Variants in SLC2A14 observed in about 807,000 individuals in gnomAD.
SLC2A14 encodes the protein solute carrier family 2 member 14, also known as solute carrier family 2, facilitated glucose transporter member 14.
Under a neutral mutation model 43.0 loss-of-function variants are expected in SLC2A14, and 13 were observed. The observed-to-expected ratio is 0.30, with a 90% confidence interval of 0.20 to 0.48. SLC2A14 has a LOEUF of 0.48. Among genes scored for constraint, SLC2A14 ranks in the 20% least tolerant of loss-of-function variants. The pLI is 0.99. For missense variants in SLC2A14, 428 were observed against 620.4 expected (o/e 0.69, Z 3.29); for synonymous variants, 190 against 233.8 (o/e 0.81, Z 1.71).
intron 1 of SLC2A14, among the ~76,000 whole-genome samples, chr12:7,879,040 C>G (rs34201463): frequency 6.9e-6 from 1 of 144,176 alleles, no homozygotes; most frequent in African/African-American, 2.5e-5. Flanking sequence ...CAACCTTACT[C>G]TAGAAAGTAG....
chr12:7,829,282 C>T (rs10846007), intron 5 of SLC2A14, among the ~76,000 whole-genome samples: 39,809 of 151,722 alleles, frequency 0.26, 5,509 homozygotes, highest in East Asian at 0.47. Context: ...TAAAAATTGC[C>T]GGGCACAGTG....
chr12:7,848,517 C>T (rs972454817), intron 2 of SLC2A14, among the ~76,000 whole-genome samples: 1 of 151,786 alleles, frequency 6.6e-6, no homozygotes, highest in Non-Finnish European at 1.5e-5. Flanking sequence ...ATCCTTGTCC[C>T]CGCCCATCCT....
intron 2 of SLC2A14, among the ~76,000 whole-genome samples, chr12:7,840,160 C>CTTTTT (rs58740298): frequency 1.5e-5 from 1 of 68,800 alleles, no homozygotes; most frequent in Non-Finnish European, 2.3e-5. Context: ...GAGTTTGCTC[C>CTTTTT]TTTTTTTTTT....
chr12:7,890,863 G>A, intron 1 of SLC2A14: 3 of 966,882 alleles, frequency 3.1e-6, no homozygotes, highest in Non-Finnish European at 4.3e-6. Context: ...GAGTCTTGGT[G>A]GCCTTGACAG....
At chr12:7,874,367 A>G (rs1317594487), upstream of SLC2A14, among the ~76,000 whole-genome samples, 3 of 152,146 alleles carry the variant, frequency 2.0e-5, no homozygotes, top group East Asian at 1.9e-4. Context: ...TGGCCTTTGC[A>G]ATCAGTATTT....
chr12:7,832,054 G>A (rs1865086335), intron 3 of SLC2A14, among the ~76,000 whole-genome samples: 1 of 152,250 alleles, frequency 6.6e-6, no homozygotes, highest in Non-Finnish European at 1.5e-5. Context: ...TTTGCGATGA[G>A]CCGAGATAGC....
chr12:7,851,254 C>G (rs1866918982), intron 2 of SLC2A14, among the ~76,000 whole-genome samples: 1 of 152,152 alleles, frequency 6.6e-6, no homozygotes, highest in African/African-American at 2.4e-5. Flanking sequence ...AGGATACTAG[C>G]TATTTTATTC....
chr12:7,853,189 C>T (rs1867075171), intron 2 of SLC2A14, among the ~76,000 whole-genome samples: 3 of 151,932 alleles, frequency 2.0e-5, no homozygotes, highest in African/African-American at 7.2e-5. Context: ...GCCTGTAATC[C>T]CAGAACTTTG....
chr12:7,827,057 CTT>C (rs1491514660), intron 7 of SLC2A14, among the ~76,000 whole-genome samples: 2 of 99,006 alleles, frequency 2.0e-5, no homozygotes, highest in African/African-American at 7.0e-5. Context: ...CTCTCTCTCT[CTT>C]TCTTTCTCTC....
chr12:7,862,710 C>T (rs1373790899), intron 2 of SLC2A14, among the ~76,000 whole-genome samples: 2 of 152,080 alleles, frequency 1.3e-5, no homozygotes, highest in Admixed American at 6.6e-5. Flanking sequence ...ATACACCAAT[C>T]GGCACTCTGT....
chr12:7,887,578 T>C (rs932608101), intron 1 of SLC2A14, among the ~76,000 whole-genome samples: 6 of 138,640 alleles, frequency 4.3e-5, no homozygotes, highest in Non-Finnish European at 9.3e-5. Context: ...GATAGATAGA[T>C]AGATAGATAG....
At chr12:7,824,952 C>T (rs1267807671) in intron 7 of SLC2A14, among the ~76,000 whole-genome samples, 2 of 151,802 alleles carry the variant, frequency 1.3e-5, no homozygotes, top group Non-Finnish European at 2.9e-5. Context: ...GCCTCAGCCT[C>T]CCACAGTGCT....
At chr12:7,844,258 T>A (rs186358428) in intron 2 of SLC2A14, among the ~76,000 whole-genome samples, 1 of 152,300 alleles carries the variant, frequency 6.6e-6, no homozygotes, top group East Asian at 1.9e-4. Flanking sequence ...TGTACTCTTT[T>A]GTGCTCAGAT....
At chr12:7,860,046 C>T (rs889907464) in intron 2 of SLC2A14, among the ~76,000 whole-genome samples, 2 of 152,168 alleles carry the variant, frequency 1.3e-5, no homozygotes, top group Admixed American at 1.3e-4. Flanking sequence ...GCCTCCAGAG[C>T]CCGTTGCTGT....
chr12:7,820,970 G>A (rs1013684954), intron 8 of SLC2A14, among the ~76,000 whole-genome samples: 3 of 151,812 alleles, frequency 2.0e-5, no homozygotes, highest in Non-Finnish European at 4.4e-5. Context: ...ACCTGTATCC[G>A]AGCTACTTCG....
intron 1 of SLC2A14, among the ~76,000 whole-genome samples, chr12:7,882,467 C>A (rs1241323040): frequency 6.6e-6 from 1 of 152,104 alleles, no homozygotes; most frequent in Non-Finnish European, 1.5e-5. Flanking sequence ...CCCCCAATTC[C>A]TGACACAGCG....
Position 7,827,063 on chromosome 12 carries a change from TTC to T in SLC2A14, c.864+430_864+431del, listed in dbSNP as rs1157345006. ...CTCTCCTTTCTCTCTCTCTCTTTCT[TTC>T]TCTCTCTCTCTTTCTTTCTTTCTTT... On this transcript the variant is annotated intron_variant, in intron 7 of 10. Coordinates refer to ENST00000431042, the MANE Select transcript of SLC2A14 (RefSeq NM_001286234.2). 4.0e-4 allele frequency among the ~76,000 whole-genome samples: 36 copies of T among 91,138 alleles called. 1 individual carries two copies. In the South Asian group the frequency reaches 0.012, roughly 31 times the overall value. 59.8% of individuals were successfully genotyped at this position (91,138 alleles called of 152,430 possible).
intron 1 of SLC2A14, among the ~76,000 whole-genome samples, chr12:7,882,706 G>A (rs10734884): frequency 1.3e-5 from 2 of 151,440 alleles, no homozygotes; most frequent in Non-Finnish European, 2.9e-5. Flanking sequence ...GCATAGTGGC[G>A]CACGCCTGTA....
At chr12:7,858,871 A>G (rs2120979091) in intron 2 of SLC2A14, among the ~76,000 whole-genome samples, 1 of 152,288 alleles carries the variant, frequency 6.6e-6, no homozygotes, top group East Asian at 1.9e-4. Context: ...GTCATAGCTA[A>G]GAAATCATTA....
Sources: allele counts gnomAD v4.1 joint callset (sites outside exome capture counted in the v4.1 genomes callset), GRCh38; gene constraint gnomAD v4.1.1; transcripts MANE v1.5; gene names NCBI Gene and HGNC (gene_info 2026-07-23, HGNC 2026-07-21).